The following NIBAN1 variants were observed in gnomAD, a reference collection of about 807,000 sequenced individuals.
NIBAN1 encodes protein Niban 1.
A neutral mutation model predicts 75.1 loss-of-function variants in NIBAN1; 81 were observed. That is an observed-to-expected ratio of 1.08 (90% confidence interval 0.90 to 1.30). The LOEUF (loss-of-function observed/expected upper bound fraction) is 1.30, where lower values mean the gene tolerates loss of function less well. NIBAN1 is among the 50% of genes most tolerant of loss of function. The pLI is 0.00. For synonymous variants in NIBAN1, 436 were observed against 424.8 expected, an observed-to-expected ratio of 1.03 and a Z score of -0.32; for missense variants, 1,133 against 1,128.1, an observed-to-expected ratio of 1.00 and a Z score of -0.06.
intron 1 of NIBAN1, among the ~76,000 whole-genome samples, chr1:184,900,082 C>T (rs1365223395): frequency 1.3e-5 from 2 of 152,160 alleles, no homozygotes; most frequent in Non-Finnish European, 2.9e-5. Context: ...TCCCAAAGTG[C>T]TGGGATTATA....
intron 1 of NIBAN1, among the ~76,000 whole-genome samples, chr1:184,905,154 G>A (rs1214011969): frequency 3.3e-5 from 5 of 152,050 alleles, no homozygotes; most frequent in East Asian, 3.9e-4. Context: ...AGAAGTGGCC[G>A]GAGTCCAGGG....
chr1:184,798,040 C>G, intron 13 of NIBAN1, 39 bp downstream of exon 13: 2 of 1,404,614 alleles, frequency 1.4e-6, no homozygotes, highest in Non-Finnish European at 2.0e-6. Flanking sequence ...ATGCTCCCCT[C>G]TATGGAGTGT....
intron 5 of NIBAN1, among the ~76,000 whole-genome samples, chr1:184,872,613 A>G (rs1656140696): frequency 6.6e-6 from 1 of 152,142 alleles, no homozygotes; most frequent in Non-Finnish European, 1.5e-5. Flanking sequence ...AGGCTGAGAC[A>G]GGAGAATCGC....
chr1:184,914,603 G>A lies in NIBAN1; in HGVS notation c.56-15294C>T, dbSNP rs568682559. On this transcript the variant is annotated intron_variant, in intron 1 of 13. Transcript: ENST00000367511. Reference sequence around the variant, plus strand: ...GATAAATTTTCTTATGTATAATTGAGGATTACAACATGATGCTATGGGATA... The same window carrying A: ...GATAAATTTTCTTATGTATAATTGAAGATTACAACATGATGCTATGGGATA... Among the ~76,000 whole-genome samples, 3 of 152,112 alleles carry A rather than the reference G, an allele frequency of 2.0e-5. No homozygotes were observed. The East Asian group carries it at 5.8e-4, about 29-fold the overall frequency.
chr1:184,906,972 G>C (rs749867042), intron 1 of NIBAN1, among the ~76,000 whole-genome samples: 2 of 152,046 alleles, frequency 1.3e-5, no homozygotes, highest in Non-Finnish European at 2.9e-5. Flanking sequence ...ATTATGCCTC[G>C]TTCCCCCAAC....
In NIBAN1 at chr1:184,910,274, T is replaced by G. The variant is rs184348215; in HGVS notation, c.56-10965A>C. Among the ~76,000 whole-genome samples the G allele has an allele frequency of 2.0e-3, 297 of 152,258 alleles. 1 individual carries two copies. The highest frequency in any genetic ancestry group is 6.0e-3 in the Admixed American group (91 of 15,288). On this transcript the variant is annotated intron_variant, in intron 1 of 13. Coordinates refer to ENST00000367511, the MANE Select transcript of NIBAN1 (RefSeq NM_052966.4). ...ACCTAAGAAAGCAACTTGAGTTCAT[T>G]TGGATGGTAGCAGGTAGCATAGACA...
chr1:184,826,867 G>A (rs1449720361), intron 6 of NIBAN1, among the ~76,000 whole-genome samples: 1 of 152,014 alleles, frequency 6.6e-6, no homozygotes. Context: ...TGGCGGGGGG[G>A]TGATATGGTT....
In NIBAN1 at chr1:184,890,016, G is replaced by A; in HGVS notation, c.433+92C>T. ...CCAGATGCTGCCAAATGTCCCTGGA[G>A]GGAAATCCCTCTCCTTCACAGAGAA... On this transcript the variant is annotated intron_variant, in intron 4 of 13. Coordinates refer to ENST00000367511, the MANE Select transcript of NIBAN1 (RefSeq NM_052966.4). The A allele has an allele frequency of 1.7e-5, 17 of 984,774 alleles. No individual in the cohort carries two copies. In the South Asian group the frequency reaches 2.3e-4, roughly 13 times the overall value. 61.0% of individuals were successfully genotyped at this position (984,774 alleles called of 1,614,324 possible).
intron 1 of NIBAN1, among the ~76,000 whole-genome samples, chr1:184,953,239 A>G (rs935531892): frequency 1.3e-5 from 2 of 152,212 alleles, no homozygotes; most frequent in African/African-American, 4.8e-5. Flanking sequence ...GAGGCTAGAT[A>G]ACTTGCAGAA....
At chr1:184,926,617 T>C (rs1657692765) in intron 1 of NIBAN1, among the ~76,000 whole-genome samples, 1 of 152,224 alleles carries the variant, frequency 6.6e-6, no homozygotes, top group African/African-American at 2.4e-5. Context: ...AGTTTAATTA[T>C]TGGATGTCTT....
intron 5 of NIBAN1, among the ~76,000 whole-genome samples, chr1:184,871,364 AAAAAAAAAAG>A (rs1557894926): frequency 6.8e-6 from 1 of 147,726 alleles, no homozygotes; most frequent in Non-Finnish European, 1.5e-5. Flanking sequence ...AAAAAAAAAA[AAAAAAAAAAG>A]AGGAAAATGT....
At position 184,971,576 on chromosome 1, in the gene NIBAN1, A is replaced by G. The variant is rs201312414; in HGVS notation, c.55+2726T>C. On this transcript the variant is annotated intron_variant, in intron 1 of 13. Coordinates refer to ENST00000367511, the MANE Select transcript of NIBAN1 (RefSeq NM_052966.4). ...TCCTAGCTATTCGGGAGGCTGAGGC[A>G]GGAGAATCACTTGGACCAGGGAGTC... 1.0e-3 allele frequency among the ~76,000 whole-genome samples: 155 copies of G among 152,262 alleles called. 1 individual carries two copies. The highest frequency in any genetic ancestry group is 8.4e-3 in the Admixed American group (128 of 15,290).
chr1:184,894,003 G>A (rs573931813), intron 3 of NIBAN1, 72 bp downstream of exon 3: 20 of 1,468,690 alleles, frequency 1.4e-5, no homozygotes, highest in East Asian at 1.2e-4. Context: ...AGGAAGGAGA[G>A]GGCACACCAA....
At chr1:184,924,505 C>CT (rs1245534770) in intron 1 of NIBAN1, among the ~76,000 whole-genome samples, 34 of 152,112 alleles carry the variant, frequency 2.2e-4, no homozygotes, top group Non-Finnish European at 2.9e-5. Flanking sequence ...CTGTAGTTTT[C>CT]TTTTTTTGAT....
intron 1 of NIBAN1, among the ~76,000 whole-genome samples, chr1:184,963,194 G>A (rs1658696007): frequency 6.6e-6 from 1 of 151,930 alleles, no homozygotes; most frequent in Admixed American, 6.6e-5. Context: ...AAATTCTAAT[G>A]ACCACATTAA....
At chr1:184,833,970 T>A (rs965358257) in intron 5 of NIBAN1, among the ~76,000 whole-genome samples, 10 of 152,082 alleles carry the variant, frequency 6.6e-5, no homozygotes, top group Non-Finnish European at 1.2e-4. Context: ...TAACTCATTA[T>A]TTACATTAGG....
At chr1:184,842,529 G>A (rs996525698) in intron 5 of NIBAN1, among the ~76,000 whole-genome samples, 4 of 152,146 alleles carry the variant, frequency 2.6e-5, no homozygotes, top group African/African-American at 4.8e-5. Flanking sequence ...CGAGGCAGGC[G>A]GATTACCTGG....
At chr1:184,897,324 TG>T (rs1656827463) in intron 2 of NIBAN1, among the ~76,000 whole-genome samples, 1 of 144,670 alleles carries the variant, frequency 6.9e-6, no homozygotes, top group Non-Finnish European at 1.5e-5. Flanking sequence ...GTGTGGTGGG[TG>T]GGGGTGGCTA....
chr1:184,946,946 GC>G (rs1658240285), intron 1 of NIBAN1, among the ~76,000 whole-genome samples: 1 of 152,066 alleles, frequency 6.6e-6, no homozygotes, highest in African/African-American at 2.4e-5. Flanking sequence ...GGTGGTGCAT[GC>G]CTATAATCCC....
Sources: gnomAD v4.1 joint callset for allele counts (sites outside exome capture counted in the v4.1 genomes callset) on GRCh38, gnomAD v4.1.1 for gene constraint, MANE v1.5 for transcripts, NCBI Gene and HGNC (gene_info 2026-07-23, HGNC 2026-07-21) for gene names.